Variants in ZCWPW1 observed in about 807,000 individuals in gnomAD.
ZCWPW1 encodes the protein zinc finger CW-type PWWP domain protein 1.
Under a neutral mutation model 81.3 loss-of-function variants are expected in ZCWPW1, and 56 were observed. The observed-to-expected ratio is 0.69, with a 90% CI of 0.56 to 0.86. The LOEUF (loss-of-function observed/expected upper bound fraction) is 0.86. Ranked by LOEUF, ZCWPW1 falls within the 40% of genes least tolerant of loss-of-function variation. The pLI is 0.00. For missense variants in ZCWPW1, 650 were observed against 769.8 expected, an observed-to-expected ratio of 0.84 and a Z score of 1.84; for synonymous variants, 250 against 273.7, an observed-to-expected ratio of 0.91 and a Z score of 0.86.
intron 14 of ZCWPW1, 74 bp from the exon 15 acceptor site, chr7:100,403,859 A>C: frequency 7.0e-7 from 1 of 1,420,718 alleles, no homozygotes; most frequent in Non-Finnish European, 9.8e-7. Flanking sequence ...CTGATCACAA[A>C]GAATCTGTCT....
chr7:100,419,480 A>AG (rs1795963600), intron 4 of ZCWPW1, 150 bp downstream of exon 4: 4 of 1,376,214 alleles, frequency 2.9e-6, no homozygotes, highest in Non-Finnish European at 3.9e-6. Context: ...GACCTCTTTG[A>AG]GAAAAAAAAA....
At chr7:100,409,336 TA>T (rs1793719299) in intron 9 of ZCWPW1, 91 bp downstream of exon 9, 2 of 1,024,102 alleles carry the variant, frequency 2.0e-6, no homozygotes, top group Admixed American at 3.9e-5. Flanking sequence ...GTGCTAACTA[TA>T]TTTACGTAGT....
Position 100,416,353 on chromosome 7 carries a change from T to TA in ZCWPW1, c.582dup (p.Lys195Ter). On this transcript the variant is annotated frameshift_variant, in exon 7 of 18. Coordinates refer to ENST00000684423, the MANE Select transcript of ZCWPW1 (RefSeq NM_001386010.1). LOFTEE classifies it high-confidence loss of function. ...AAGGTGAGTCTATTGGATTTCTTCT[T>TA]AGAGGGTGCAGGATCTGGCTGGCCT... 1.2e-5 allele frequency: 19 copies of TA among 1,614,200 alleles called. No individual in the cohort carries two copies. The highest frequency in any genetic ancestry group is 1.6e-5 in the Non-Finnish European group (19 of 1,180,028).
intron 1 of ZCWPW1, among the ~76,000 whole-genome samples, chr7:100,427,893 C>G (rs1206184276): frequency 6.6e-6 from 1 of 151,818 alleles, no homozygotes; most frequent in Non-Finnish European, 1.5e-5. Context: ...CCCGTCCCCT[C>G]CCTTCCTTCC....
intron 8 of ZCWPW1, among the ~76,000 whole-genome samples, chr7:100,412,706 C>A (rs778781950): frequency 6.6e-6 from 1 of 152,030 alleles, no homozygotes; most frequent in Non-Finnish European, 1.5e-5. Flanking sequence ...CTCAGCCTCC[C>A]GAATAGCTGG....
At position 100,401,944 on chromosome 7, in the gene ZCWPW1, A is replaced by C; in HGVS notation, c.1572T>G (p.Pro524=). The C allele has an allele frequency of 6.2e-7, 1 of 1,614,166 alleles. No individual in the cohort carries two copies. ...CTTCTTTCCTTCCCATTCTGGGTGC[A>C]GGAGGAGCTGTGGATTTCCTGCCTA... ...RSLGRKSTAP[P]APRMGRKEGQ... The change falls in exon 17 of 18, where the codon CCT becomes CCG. Residue 524 remains proline, a synonymous_variant. Transcript: ENST00000684423.
At chr7:100,414,141 C>T (rs1340900453) in intron 8 of ZCWPW1, among the ~76,000 whole-genome samples, 1 of 152,150 alleles carries the variant, frequency 6.6e-6, no homozygotes, top group Non-Finnish European at 1.5e-5. Context: ...ACCTCAGTGC[C>T]TTATGTTACT....
Position 100,401,923 on chromosome 7 carries a change from T to C in ZCWPW1, c.1593A>G (p.Lys531=), listed in dbSNP as rs752188103. The change falls in exon 17 of 18, where the codon AAA becomes AAG. Residue 531 remains lysine, a synonymous_variant. Transcript: ENST00000684423. ...TAPPAPRMGR[K]EGQGNSDSDQ... is the part of the protein sequence containing the mutation. Reference sequence around the variant, plus strand: ...CAGAATCTGAATTCCCTTGGCCTTCTTTCCTTCCCATTCTGGGTGCAGGAG... The same window carrying C: ...CAGAATCTGAATTCCCTTGGCCTTCCTTCCTTCCCATTCTGGGTGCAGGAG... 1.2e-6 allele frequency: 2 copies of C among 1,614,106 alleles called. No individual in the cohort carries two copies. Among genetic ancestry groups the C allele is most frequent in the South Asian group, 2.2e-5 (2 of 91,070 alleles).
intron 10 of ZCWPW1, among the ~76,000 whole-genome samples, chr7:100,408,233 G>A (rs1793466631): frequency 6.6e-6 from 1 of 152,158 alleles, no homozygotes; most frequent in Non-Finnish European, 1.5e-5. Flanking sequence ...TTACAGGTGT[G>A]AGCCACTGCG....
At position 100,409,484 on chromosome 7, in the gene ZCWPW1, C is replaced by T. The variant is rs2130567941; in HGVS notation, c.815G>A (p.Cys272Tyr). 6.2e-7 allele frequency: 1 copy of T among 1,614,196 alleles called. No individual in the cohort carries two copies. The highest frequency in any genetic ancestry group is 8.5e-7 in the Non-Finnish European group (1 of 1,180,028). The change falls in exon 9 of 18, where the codon TGT (cysteine) becomes TAT (tyrosine). Residue 272 changes from cysteine (C) to tyrosine (Y), a missense_variant. Cys to Tyr is a radical substitution (Grantham distance 194). Coordinates refer to ENST00000684423, the MANE Select transcript of ZCWPW1 (RefSeq NM_001386010.1). Reference sequence around the variant, plus strand: ...GAGAACTGAGGGGTCAATGTTCCCACACAGCCGCCTCCATTTCCCACAGTT... The same window carrying T: ...GAGAACTGAGGGGTCAATGTTCCCATACAGCCGCCTCCATTTCCCACAGTT... The part of the protein sequence containing the change: ...FPNCGKWRRL[C>Y]GNIDPSVLPD...
Position 100,414,574 on chromosome 7 carries a change from C to A in ZCWPW1, c.754+1401G>T, listed in dbSNP as rs549970471. The stretch of plus-strand genomic sequence containing the variant: ...AGGACTACAGGCACTACCACTACAT[C>A]CAGCTAATTTTTTTTTTTCTTGTAG... On this transcript the variant is annotated intron_variant, in intron 8 of 17. Coordinates refer to ENST00000684423, the MANE Select transcript of ZCWPW1 (RefSeq NM_001386010.1). 7.2e-5 allele frequency among the ~76,000 whole-genome samples: 11 copies of A among 152,176 alleles called. No individual in the cohort carries two copies. The South Asian group carries it at 2.3e-3, about 32-fold the overall frequency.
chr7:100,411,409 G>A (rs1794134067), intron 8 of ZCWPW1, among the ~76,000 whole-genome samples: 1 of 151,954 alleles, frequency 6.6e-6, no homozygotes, highest in Non-Finnish European at 1.5e-5. Context: ...TGAGACTACA[G>A]GCATGCACCA....
chr7:100,402,114 G>A, intron 16 of ZCWPW1, 73 bp from the exon 17 acceptor site: 8 of 1,524,224 alleles, frequency 5.2e-6, no homozygotes, highest in South Asian at 5.1e-5. Context: ...ACTGCACATT[G>A]AGTTTCTGCC....
chr7:100,411,608 C>T (rs181026220), intron 8 of ZCWPW1, among the ~76,000 whole-genome samples: 55 of 152,110 alleles, frequency 3.6e-4, no homozygotes, highest in African/African-American at 1.3e-3. Context: ...CTGGTTGGGA[C>T]TAATATGTTA....
In ZCWPW1 at chr7:100,406,801, GAAATA is replaced by G; in HGVS notation, c.1069-8_1069-4del. The G allele has an allele frequency of 6.2e-7, 1 of 1,613,358 alleles. No individual in the cohort carries two copies. Among genetic ancestry groups the G allele is most frequent in the African/African-American group, 1.3e-5 (1 of 75,004 alleles). ...AAAAACGTCACATGGTACTTAGACT[GAAATA>G]AAAGATGATCCTGTTACGGACTCCT... is the stretch of plus-strand genomic sequence containing the variant. On this transcript the variant is annotated splice_polypyrimidine_tract_variant and splice_region_variant and intron_variant, in intron 11 of 17. Transcript: ENST00000684423.
chr7:100,406,738 T>C lies in ZCWPW1; in HGVS notation c.1129A>G (p.Met377Val), dbSNP rs1272853376. The C allele has an allele frequency of 6.2e-7, 1 of 1,614,084 alleles. No individual in the cohort carries two copies. The highest frequency in any genetic ancestry group is 1.3e-5 in the African/African-American group (1 of 74,932). The change falls in exon 12 of 18, where the codon ATG becomes GTG. Residue 377 changes from methionine (M) to valine (V), a missense_variant. By Grantham distance (21) the Met-to-Val change is conservative. Coordinates refer to ENST00000684423, the MANE Select transcript of ZCWPW1 (RefSeq NM_001386010.1). ...TVSRAWIPVNMLKNFQELSLE... is the reference protein window; with the variant it reads ...TVSRAWIPVNVLKNFQELSLE... ...GACAGCTCCTGGAAGTTCTTTAGCA[T>C]GTTGACTGGGATCCATGCACGAGAA...
At chr7:100,423,533 C>T (rs530214800) in intron 2 of ZCWPW1, among the ~76,000 whole-genome samples, 10 of 152,140 alleles carry the variant, frequency 6.6e-5, no homozygotes, top group African/African-American at 2.4e-4. Context: ...ATGTGAATAC[C>T]CTTCAGCATT....
intron 1 of ZCWPW1, among the ~76,000 whole-genome samples, chr7:100,427,447 C>A (rs1797841198): frequency 6.6e-6 from 1 of 151,046 alleles, no homozygotes; most frequent in African/African-American, 2.4e-5. Context: ...TGCCTGTAAT[C>A]CCAGCATTTT....
rs1436747292 is a variant in ZCWPW1 at position 100,400,900 on chromosome 7, A to G, written c.*114T>C. The G allele has an allele frequency of 1.1e-5, 13 of 1,211,746 alleles. No individual in the cohort carries two copies. Among genetic ancestry groups the G allele is most frequent in the Non-Finnish European group, 1.4e-5 (13 of 898,420 alleles). 75.1% of individuals were successfully genotyped at this position (1,211,746 alleles called of 1,614,324 possible). ...ACTGTAACCTGCTTTATTAACACAG[A>G]AACTGCACCACACACATTTGAACCT... On this transcript the variant is annotated 3_prime_UTR_variant, in exon 18 of 18. Transcript: ENST00000684423.
Sources: allele counts gnomAD v4.1 joint callset (sites outside exome capture counted in the v4.1 genomes callset), GRCh38; gene constraint gnomAD v4.1.1; transcripts MANE v1.5; gene names NCBI Gene and HGNC (gene_info 2026-07-23, HGNC 2026-07-21).